Variants in PTPRD observed in about 807,000 individuals in gnomAD.
The protein encoded by PTPRD is receptor-type tyrosine-protein phosphatase delta.
In PTPRD, 34 loss-of-function variants were observed where a neutral mutation model predicts 214.5. That is an observed-to-expected ratio of 0.16 (90% CI 0.12 to 0.21). The LOEUF is 0.21. Ranked by LOEUF, PTPRD falls within the 10% of genes least tolerant of loss-of-function variation. The pLI is 1.00. For synonymous variants in PTPRD, 1,128 were observed against 845.7 expected, an observed-to-expected ratio of 1.33 and a Z score of -5.79; for missense variants, 2,545 against 2,398.7, an observed-to-expected ratio of 1.06 and a Z score of -1.27.
chr9:9,152,770 C>A (rs991520101), intron 10 of PTPRD, among the ~76,000 whole-genome samples: 20 of 152,162 alleles, frequency 1.3e-4, no homozygotes, highest in African/African-American at 4.8e-4. Flanking sequence ...AGGCTGACCT[C>A]ATCTTTTCTG....
At chr9:9,524,467 G>A (rs998224756) in intron 8 of PTPRD, among the ~76,000 whole-genome samples, 1 of 151,886 alleles carries the variant, frequency 6.6e-6, no homozygotes, top group Non-Finnish European at 1.5e-5. Context: ...TTTCTAATCC[G>A]TACGTTCGTG....
intron 3 of PTPRD, among the ~76,000 whole-genome samples, chr9:10,176,945 T>C (rs2099252098): frequency 6.6e-6 from 1 of 152,014 alleles, no homozygotes; most frequent in Non-Finnish European, 1.5e-5. Flanking sequence ...AGCATATTTA[T>C]TGCATGGTAG....
chr9:8,340,258 T>G, intron 42 of PTPRD, 85 bp downstream of exon 42: 1 of 1,415,788 alleles, frequency 7.1e-7, no homozygotes, highest in Non-Finnish European at 9.4e-7. Context: ...AAAAATGATC[T>G]AGCACAAGAG....
At chr9:10,374,136 C>T (rs1372430719) in intron 2 of PTPRD, among the ~76,000 whole-genome samples, 2 of 152,012 alleles carry the variant, frequency 1.3e-5, no homozygotes, top group Non-Finnish European at 2.9e-5. Context: ...TTTGAGGGTC[C>T]TCTTTGCAAA....
At chr9:8,591,660 G>A (rs538075470) in intron 14 of PTPRD, among the ~76,000 whole-genome samples, 6 of 152,232 alleles carry the variant, frequency 3.9e-5, no homozygotes, top group East Asian at 3.9e-4. Context: ...AGAAGGACAC[G>A]TCTAGTTGGC....
intron 10 of PTPRD, among the ~76,000 whole-genome samples, chr9:9,168,103 T>C (rs1229918316): frequency 6.6e-6 from 1 of 152,170 alleles, no homozygotes; most frequent in Non-Finnish European, 1.5e-5. Context: ...CTAAATAAAG[T>C]TTTATTGGAA....
intron 8 of PTPRD, among the ~76,000 whole-genome samples, chr9:9,403,814 G>C (rs2072003583): frequency 6.6e-6 from 1 of 152,064 alleles, no homozygotes; most frequent in East Asian, 1.9e-4. Context: ...TTACATTATT[G>C]TGGCATGGAG....
In PTPRD at chr9:8,484,141, C is replaced by G. The variant is rs2135756472; in HGVS notation, c.3391G>C (p.Val1131Leu). The G allele has an allele frequency of 6.2e-7, 1 of 1,614,024 alleles. No homozygotes were observed. Among genetic ancestry groups the G allele is most frequent in the Non-Finnish European group, 8.5e-7 (1 of 1,179,932 alleles). Reference sequence around the variant, plus strand: ...TACTTTATATTCTCATTTGCAGGTACTTCAGGCAGTTGCACAGTAATCATG... The same window carrying G: ...TACTTTATATTCTCATTTGCAGGTAGTTCAGGCAGTTGCACAGTAATCATG... Reference protein sequence around the residue: ...DGMITVQLPEVPANENIKGYY... With the variant: ...DGMITVQLPELPANENIKGYY... Residue 1131 changes from valine (V) to leucine (L), a missense_variant, in exon 30 of 46, where the codon GTA becomes CTA. Val to Leu is a conservative substitution (Grantham distance 32). Transcript: ENST00000381196.
At chr9:8,545,618 T>C (rs1275535693) in intron 14 of PTPRD, among the ~76,000 whole-genome samples, 2 of 152,214 alleles carry the variant, frequency 1.3e-5, no homozygotes, top group African/African-American at 4.8e-5. Flanking sequence ...TCATGCTCTT[T>C]GGTAAATATT....
chr9:10,509,557 T>TTATATTTATATA (rs1246261539), intron 2 of PTPRD, among the ~76,000 whole-genome samples: 8 of 106,690 alleles, frequency 7.5e-5, no homozygotes, highest in African/African-American at 2.4e-4. Context: ...TTAATAAATA[T>TTATATTTATATA]TATATATATA....
intron 14 of PTPRD, among the ~76,000 whole-genome samples, chr9:8,619,743 C>T (rs957152413): frequency 4.6e-5 from 7 of 151,928 alleles, no homozygotes; most frequent in Admixed American, 3.3e-4. Flanking sequence ...AGCAGCCCCT[C>T]TTGGTGGAGT....
chr9:8,876,796 C>T lies in PTPRD; in HGVS notation c.-104+141901G>A, dbSNP rs191835410. On this transcript the variant is annotated intron_variant, in intron 11 of 45. Transcript: ENST00000381196. ...TGAATTAAAAATGCAAGTAAGTTTG[C>T]AAATGTCTTTAAAAGTTACACAGTT... Among the ~76,000 whole-genome samples, 296 of 152,248 alleles carry T rather than the reference C, an allele frequency of 1.9e-3. 2 individuals carry two copies. Among genetic ancestry groups the T allele is most frequent in the African/African-American group, 6.6e-3 (276 of 41,560 alleles).
intron 30 of PTPRD, among the ~76,000 whole-genome samples, chr9:8,480,649 TCTG>T (rs2096862170): frequency 6.6e-6 from 1 of 152,212 alleles, no homozygotes; most frequent in African/African-American, 2.4e-5. Context: ...ATACATTAAA[TCTG>T]CACAGTTTCT....
chr9:10,561,266 C>T (rs998217472), intron 2 of PTPRD, among the ~76,000 whole-genome samples: 1 of 151,922 alleles, frequency 6.6e-6, no homozygotes, highest in Admixed American at 6.6e-5. Context: ...CTGTCAGGGT[C>T]GTTTTATAAG....
chr9:9,286,678 CTCCTTG>C (rs2133877034), intron 9 of PTPRD, among the ~76,000 whole-genome samples: 1 of 151,010 alleles, frequency 6.6e-6, no homozygotes, highest in East Asian at 2.0e-4. Flanking sequence ...AATCCATTGG[CTCCTTG>C]TCTTTCATTT....
chr9:10,435,221 T>A (rs1326930185), intron 2 of PTPRD, among the ~76,000 whole-genome samples: 1 of 151,832 alleles, frequency 6.6e-6, no homozygotes, highest in Non-Finnish European at 1.5e-5. Context: ...TTCCCTCAAG[T>A]GTAGCCAGTG....
At chr9:10,469,084 G>A (rs2099013434) in intron 2 of PTPRD, among the ~76,000 whole-genome samples, 1 of 152,064 alleles carries the variant, frequency 6.6e-6, no homozygotes, top group South Asian at 2.1e-4. Flanking sequence ...TAGTAAGTAT[G>A]TCTACTACTC....
At chr9:9,037,951 T>C (rs183638999) in intron 10 of PTPRD, among the ~76,000 whole-genome samples, 120 of 152,284 alleles carry the variant, frequency 7.9e-4, no homozygotes, top group Non-Finnish European at 1.6e-3. Flanking sequence ...GAAAACTAAT[T>C]AACTTTTTTG....
intron 7 of PTPRD, among the ~76,000 whole-genome samples, chr9:9,626,576 G>A (rs2095432582): frequency 6.6e-6 from 1 of 152,134 alleles, no homozygotes; most frequent in Non-Finnish European, 1.5e-5. Context: ...ACGGAGAAAA[G>A]GAGGGAGAAA....
Sources: gnomAD v4.1 joint callset for allele counts (sites outside exome capture counted in the v4.1 genomes callset) on GRCh38, gnomAD v4.1.1 for gene constraint, MANE v1.5 for transcripts, NCBI Gene and HGNC (gene_info 2026-07-23, HGNC 2026-07-21) for gene names.